MRTFA: variants seen among roughly 807,000 people sequenced by gnomAD.
MRTFA encodes myocardin related transcription factor A.
MRTFA carries 20 observed loss-of-function variants against 83.5 expected under a neutral mutation model. That is an observed-to-expected ratio of 0.24 (90% CI 0.17 to 0.35). The LOEUF is 0.35. Among genes scored for constraint, MRTFA ranks in the 10% least tolerant of loss-of-function variants. The probability of loss-of-function intolerance (pLI) is 1.00; values close to 1 mark genes in which losing one functional copy is unlikely to be tolerated. For missense variants in MRTFA, 1,200 were observed against 1,224.7 expected (o/e 0.98, Z 0.30); for synonymous variants, 659 against 541.2 (o/e 1.22, Z -3.02).
rs750111867 is a variant in MRTFA, at chr22:40,418,426, A to G, written c.2312T>C (p.Val771Ala). ...AGGGCTGTCTGCATTCTTATTGGTC[A>G]CGGTGAGGACAAGGTGGGTCCCTGT... Residue 771 changes from valine to alanine, a missense_variant, in exon 12 of 15, where the codon GTG (valine) becomes GCG (alanine). Coordinates refer to ENST00000355630, the MANE Select transcript of MRTFA (RefSeq NM_020831.6). 13 of 1,614,008 alleles carry G rather than the reference A, an allele frequency of 8.1e-6. No individual in the cohort carries two copies. The East Asian group carries it at 8.9e-5, about 11-fold the overall frequency.
chr22:40,610,526 A>C (rs2056375007), intron 1 of MRTFA, among the ~76,000 whole-genome samples: 1 of 152,194 alleles, frequency 6.6e-6, no homozygotes. Flanking sequence ...AGACAGAAGC[A>C]GCTCTTAATC....
Position 40,411,423 on chromosome 22 carries a change from A to G in MRTFA, c.3063T>C (p.His1021=), listed in dbSNP as rs1264231645. ...AGGAATCCCAGTGCAGCTGCAAATC[A>G]TGGCCATCGAGGAAGTCTGTGGAGA... The change falls in exon 15 of 15, where the codon CAT becomes CAC. Residue 1021 remains histidine, a synonymous_variant. Coordinates refer to ENST00000355630, the MANE Select transcript of MRTFA (RefSeq NM_020831.6). 2 of 1,574,252 alleles carry G rather than the reference A, an allele frequency of 1.3e-6. No homozygotes were observed. The highest frequency in any genetic ancestry group is 2.7e-5 in the African/African-American group (2 of 74,222).
intron 1 of MRTFA, among the ~76,000 whole-genome samples, chr22:40,603,641 G>A (rs745845972): frequency 2.6e-5 from 4 of 151,784 alleles, no homozygotes; most frequent in Non-Finnish European, 4.4e-5. Flanking sequence ...TGTTTAAATC[G>A]ACTATATTAT....
At chr22:40,441,502 A>C (rs2053272908) in intron 4 of MRTFA, among the ~76,000 whole-genome samples, 2 of 152,216 alleles carry the variant, frequency 1.3e-5, no homozygotes, top group African/African-American at 4.8e-5. Flanking sequence ...ACTGGCATCC[A>C]GGCTGGGCGC....
intron 3 of MRTFA, among the ~76,000 whole-genome samples, chr22:40,498,811 T>C (rs1569298199): frequency 6.6e-6 from 1 of 152,174 alleles, no homozygotes; most frequent in East Asian, 1.9e-4. Context: ...AGACCTTTGT[T>C]TAAATTTTAG....
rs796103400 is a variant in MRTFA at position 40,459,862 on chromosome 22, T to TATATATATAC, written c.307+3358_307+3359insGTATATATAT. ...ATATATATATATATATATATATATA[T>TATATATATAC]ACACACATGAATGATACTTTCTCAA... is the stretch of plus-strand genomic sequence containing the variant. On this transcript the variant is annotated intron_variant, in intron 4 of 14. Transcript: ENST00000355630. 1.6e-3 allele frequency among the ~76,000 whole-genome samples: 192 copies of TATATATATAC among 121,434 alleles called. 5 individuals carry two copies. The highest frequency in any genetic ancestry group is 0.011 in the South Asian group (39 of 3,704). 79.7% of individuals were successfully genotyped at this position (121,434 alleles called of 152,430 possible).
rs749957264 is a variant in MRTFA at position 40,411,505 on chromosome 22, G to A, written c.2981C>T (p.Ser994Leu). ...TAGGCTCAGCACGGGACCACCTGAC[G>A]ACAGCTCCAGCCAGTCCATGCTGTC... is the stretch of plus-strand genomic sequence containing the variant. Residue 994 changes from serine to leucine, a missense_variant, in exon 15 of 15, where the codon TCG becomes TTG. Ser to Leu is a moderately radical substitution (Grantham distance 145). Coordinates refer to ENST00000355630, the MANE Select transcript of MRTFA (RefSeq NM_020831.6). The A allele has an allele frequency of 5.6e-6, 9 of 1,611,360 alleles. No homozygotes were observed. The highest frequency in any genetic ancestry group is 5.9e-6 in the Non-Finnish European group (7 of 1,178,138).
chr22:40,585,272 A>G (rs547020353), intron 2 of MRTFA, among the ~76,000 whole-genome samples: 1 of 152,368 alleles, frequency 6.6e-6, no homozygotes, highest in East Asian at 1.9e-4. Context: ...AAAACATTAT[A>G]TAAACTTTTT....
rs371130738 is a variant in MRTFA at position 40,500,539 on chromosome 22, A to G, written c.242-37253T>C. ...GGTTTTCCTAGGCAGAGGACCCTGC[A>G]GCCTTCCGCAGTGTTTGTGTCCCTG... On this transcript the variant is annotated intron_variant, in intron 3 of 14. Coordinates refer to ENST00000355630, the MANE Select transcript of MRTFA (RefSeq NM_020831.6). 4.8e-3 allele frequency among the ~76,000 whole-genome samples: 732 copies of G among 151,042 alleles called. 6 individuals are homozygous for G. Among genetic ancestry groups the G allele is most frequent in the African/African-American group, 0.016 (666 of 41,290 alleles).
chr22:40,577,102 G>A (rs2055878130), intron 2 of MRTFA, among the ~76,000 whole-genome samples: 1 of 151,832 alleles, frequency 6.6e-6, no homozygotes, highest in African/African-American at 2.4e-5. Flanking sequence ...GAGCACCTGT[G>A]GTCCCAGTTA....
At chr22:40,613,894 C>A (rs1179562987) in intron 1 of MRTFA, among the ~76,000 whole-genome samples, 1 of 150,270 alleles carries the variant, frequency 6.7e-6, no homozygotes, top group South Asian at 2.1e-4. Flanking sequence ...TGATGGAGAC[C>A]CTGTTTCAAA....
intron 3 of MRTFA, among the ~76,000 whole-genome samples, chr22:40,540,664 C>T (rs1442199406): frequency 6.6e-6 from 1 of 151,030 alleles, no homozygotes; most frequent in East Asian, 1.9e-4. Flanking sequence ...CCTGTAATCC[C>T]AGCTACTTGG....
chr22:40,507,759 T>TA (rs2054602518), intron 3 of MRTFA, among the ~76,000 whole-genome samples: 1 of 151,942 alleles, frequency 6.6e-6, no homozygotes, highest in South Asian at 2.1e-4. Flanking sequence ...GGTCAGGAAT[T>TA]AGAGACCAGC....
At position 40,526,052 on chromosome 22, in the gene MRTFA, G is replaced by A. The variant is rs533426123; in HGVS notation, c.241+26054C>T. ...TTTTTAAGAGACATGGTCTTGCTCT[G>A]TCACCCAGGCTGGAGTGCAGTGGCA... On this transcript the variant is annotated intron_variant, in intron 3 of 14. Coordinates refer to ENST00000355630, the MANE Select transcript of MRTFA (RefSeq NM_020831.6). 2.8e-3 allele frequency among the ~76,000 whole-genome samples: 426 copies of A among 150,770 alleles called. 1 individual carries two copies. Among genetic ancestry groups the A allele is most frequent in the African/African-American group, 9.9e-3 (406 of 40,996 alleles).
At chr22:40,572,567 A>T (rs927016460) in intron 2 of MRTFA, among the ~76,000 whole-genome samples, 2 of 151,948 alleles carry the variant, frequency 1.3e-5, no homozygotes, top group African/African-American at 4.8e-5. Context: ...CTGTTTTTTT[A>T]AAAAAGGAAA....
At chr22:40,592,667 G>A (rs1203962203) in intron 2 of MRTFA, among the ~76,000 whole-genome samples, 1 of 151,666 alleles carries the variant, frequency 6.6e-6, no homozygotes, top group Non-Finnish European at 1.5e-5. Context: ...TTTTTTTGGT[G>A]TTTTTTGTAG....
chr22:40,429,518 G>C (rs1388990319), intron 7 of MRTFA, 88 bp downstream of exon 7: 2 of 1,492,194 alleles, frequency 1.3e-6, no homozygotes, highest in East Asian at 2.3e-5. Context: ...GAAGTCAAGA[G>C]CCTCAGCCCA....
intron 2 of MRTFA, among the ~76,000 whole-genome samples, chr22:40,557,305 A>G (rs2055539155): frequency 6.6e-6 from 1 of 152,238 alleles, no homozygotes; most frequent in African/African-American, 2.4e-5. Flanking sequence ...CAAGCCTCAT[A>G]CCACTAAAAT....
chr22:40,493,092 T>C (rs1286365341), intron 3 of MRTFA, among the ~76,000 whole-genome samples: 4 of 152,214 alleles, frequency 2.6e-5, no homozygotes, highest in African/African-American at 9.6e-5. Flanking sequence ...ATTTTACTCC[T>C]TGTATGTCAC....
Sources: gnomAD v4.1 joint callset for allele counts (sites outside exome capture counted in the v4.1 genomes callset) on GRCh38, gnomAD v4.1.1 for gene constraint, MANE v1.5 for transcripts, NCBI Gene and HGNC (gene_info 2026-07-23, HGNC 2026-07-21) for gene names.